The following ZSWIM6 variants were observed in gnomAD, a reference collection of about 807,000 sequenced individuals.
ZSWIM6 encodes the protein zinc finger SWIM-type containing 6.
In ZSWIM6, 9 loss-of-function variants were observed where a neutral mutation model predicts 113.2. That is an observed-to-expected ratio of 0.08 (90% confidence interval 0.05 to 0.14). The LOEUF is 0.14. ZSWIM6 is among the 10% of genes least tolerant of loss of function. The pLI is 1.00. For missense variants in ZSWIM6, 1,162 were observed against 1,552.2 expected, an observed-to-expected ratio of 0.75 and a Z score of 4.22; for synonymous variants, 611 against 606.5, an observed-to-expected ratio of 1.01 and a Z score of -0.11.
chr5:61,495,316 G>A (rs570731253), intron 4 of ZSWIM6, among the ~76,000 whole-genome samples: 31 of 152,154 alleles, frequency 2.0e-4, no homozygotes, highest in South Asian at 1.0e-3. Flanking sequence ...GAGATTAGCC[G>A]TTTTACAAAT....
Position 61,530,864 on chromosome 5 carries a change from C to T in ZSWIM6, c.1985-601C>T, listed in dbSNP as rs368094954. On this transcript the variant is annotated intron_variant, in intron 8 of 13. Coordinates refer to ENST00000252744, the MANE Select transcript of ZSWIM6 (RefSeq NM_020928.2). ...GTTGCCTTCATGGACTGTGGGTAAC[C>T]CAGACACTGTCAGGAGGGTGAAAGG... Among the ~76,000 whole-genome samples the T allele has an allele frequency of 1.1e-4, 16 of 152,232 alleles. No individual in the cohort carries two copies. In the East Asian group the frequency reaches 2.3e-3, roughly 22 times the overall value.
At chr5:61,441,654 C>T (rs913393118) in intron 1 of ZSWIM6, among the ~76,000 whole-genome samples, 6 of 152,052 alleles carry the variant, frequency 3.9e-5, no homozygotes, top group African/African-American at 7.2e-5. Flanking sequence ...GGTACGGATG[C>T]GGAGTGTGCA....
At chr5:61,339,733 A>G (rs1744494948) in intron 1 of ZSWIM6, among the ~76,000 whole-genome samples, 1 of 152,242 alleles carries the variant, frequency 6.6e-6, no homozygotes, top group South Asian at 2.1e-4. Flanking sequence ...AGTAAACAGT[A>G]TGAAACCCAC....
At chr5:61,457,591 G>A (rs1160328211) in intron 1 of ZSWIM6, among the ~76,000 whole-genome samples, 7 of 151,834 alleles carry the variant, frequency 4.6e-5, no homozygotes, top group Non-Finnish European at 8.8e-5. Flanking sequence ...GCGTGATCTC[G>A]GCTCACTACA....
intron 1 of ZSWIM6, among the ~76,000 whole-genome samples, chr5:61,347,898 T>C (rs1744694569): frequency 6.6e-6 from 1 of 152,192 alleles, no homozygotes; most frequent in South Asian, 2.1e-4. Flanking sequence ...CAAGTTGATG[T>C]TAAGCATGTG....
intron 2 of ZSWIM6, among the ~76,000 whole-genome samples, chr5:61,478,452 T>C (rs1747765468): frequency 6.6e-6 from 1 of 152,214 alleles, no homozygotes; most frequent in South Asian, 2.1e-4. Flanking sequence ...TGCAGACATG[T>C]GCACACATAT....
intron 1 of ZSWIM6, among the ~76,000 whole-genome samples, chr5:61,334,442 A>G (rs1579935849): frequency 6.6e-6 from 1 of 152,100 alleles, no homozygotes; most frequent in African/African-American, 2.4e-5. Flanking sequence ...ACGCATCTCT[A>G]TCTCTTTGAT....
chr5:61,333,501 C>T (rs1357871970), intron 1 of ZSWIM6, among the ~76,000 whole-genome samples: 1 of 151,986 alleles, frequency 6.6e-6, no homozygotes, highest in Non-Finnish European at 1.5e-5. Context: ...AGCCGCTCGG[C>T]CGCCGCTCCT....
At chr5:61,526,214 C>T in intron 6 of ZSWIM6, 36 bp from the exon 7 acceptor site, 1 of 1,522,976 alleles carries the variant, frequency 6.6e-7, no homozygotes, top group Non-Finnish European at 8.8e-7. Context: ...ATATATCTGA[C>T]AGTGGCAACT....
chr5:61,447,593 A>G (rs901648152), intron 1 of ZSWIM6, among the ~76,000 whole-genome samples: 1 of 152,158 alleles, frequency 6.6e-6, no homozygotes, highest in Non-Finnish European at 1.5e-5. Context: ...GAGAGAGACG[A>G]AAACCCACCT....
chr5:61,472,784 G>T lies in ZSWIM6; in HGVS notation c.780G>T (p.Val260=). 2 of 1,551,738 alleles carry T rather than the reference G, an allele frequency of 1.3e-6. No individual in the cohort carries two copies. The highest frequency in any genetic ancestry group is 1.7e-6 in the Non-Finnish European group (2 of 1,147,034). The change falls in exon 2 of 14, where the codon GTG becomes GTT. Residue 260 remains valine, a synonymous_variant. Coordinates refer to ENST00000252744, the MANE Select transcript of ZSWIM6 (RefSeq NM_020928.2). This position sits in a 1 kb window ranked among gnomAD's most constrained non-coding sequence, Gnocchi z 4.1. ...ISFDRCKITS[V]TCSCGNKDIF... Reference sequence around the variant, plus strand: ...TTGATCGTTGCAAGATTACCTCAGTGACCTGCAGCTGTGGAAACAAGGACA... The same window carrying T: ...TTGATCGTTGCAAGATTACCTCAGTTACCTGCAGCTGTGGAAACAAGGACA...
At chr5:61,358,009 T>C (rs1266791399) in intron 1 of ZSWIM6, among the ~76,000 whole-genome samples, 1 of 152,214 alleles carries the variant, frequency 6.6e-6, no homozygotes, top group African/African-American at 2.4e-5. Flanking sequence ...TTGACAACTT[T>C]CCTGGAACAT....
chr5:61,335,736 TGG>T (rs1744377693), intron 1 of ZSWIM6, among the ~76,000 whole-genome samples: 1 of 152,252 alleles, frequency 6.6e-6, no homozygotes, highest in African/African-American at 2.4e-5. Flanking sequence ...ATCTAGTTGT[TGG>T]ACTTTATTTT....
At chr5:61,369,132 T>C (rs1430027819) in intron 1 of ZSWIM6, among the ~76,000 whole-genome samples, 2 of 152,238 alleles carry the variant, frequency 1.3e-5, no homozygotes, top group Admixed American at 6.5e-5. Context: ...CATCACTTCA[T>C]TGGGCACTGG....
intron 1 of ZSWIM6, among the ~76,000 whole-genome samples, chr5:61,335,596 A>G (rs909396651): frequency 5.9e-5 from 9 of 152,262 alleles, no homozygotes; most frequent in African/African-American, 2.2e-4. Flanking sequence ...AGTTTCTTAA[A>G]ATGGAAAAGA....
At chr5:61,426,826 T>C (rs1746471594) in intron 1 of ZSWIM6, among the ~76,000 whole-genome samples, 1 of 151,906 alleles carries the variant, frequency 6.6e-6, no homozygotes, top group South Asian at 2.1e-4. Context: ...TTTTTTTTTT[T>C]CTCATGATTA....
At chr5:61,415,132 G>C (rs1746220769) in intron 1 of ZSWIM6, among the ~76,000 whole-genome samples, 1 of 152,204 alleles carries the variant, frequency 6.6e-6, no homozygotes, top group African/African-American at 2.4e-5. Context: ...AGAGCTAATA[G>C]TTTTGTTTTT....
intron 1 of ZSWIM6, among the ~76,000 whole-genome samples, chr5:61,467,210 A>G (rs994249952): frequency 7.9e-5 from 12 of 152,220 alleles, no homozygotes; most frequent in Non-Finnish European, 1.5e-4. Context: ...AGTGATATTT[A>G]CTATGTTTGA....
chr5:61,505,601 A>ACCTTCCGT (rs1748580610), intron 4 of ZSWIM6, among the ~76,000 whole-genome samples: 1 of 77,794 alleles, frequency 1.3e-5, no homozygotes, highest in Non-Finnish European at 2.6e-5. Context: ...TCTATGATTT[A>ACCTTCCGT]CCTTCCTTCC....
Sources: allele counts gnomAD v4.1 joint callset (sites outside exome capture counted in the v4.1 genomes callset), GRCh38; gene constraint gnomAD v4.1.1; non-coding constraint Gnocchi (gnomAD v3.1); transcripts MANE v1.5; gene names NCBI Gene and HGNC (gene_info 2026-07-23, HGNC 2026-07-21).